Variants in COL21A1 observed in about 807,000 individuals in gnomAD.
COL21A1 encodes the protein collagen alpha-1(XXI) chain.
In COL21A1, 149 loss-of-function variants were observed where a neutral mutation model predicts 137.9. That is an observed-to-expected ratio of 1.08 (90% confidence interval 0.95 to 1.24). COL21A1 has a LOEUF of 1.24. Among genes scored for constraint, COL21A1 ranks in the 50% most tolerant of loss-of-function variants. The pLI is 0.00. For synonymous variants in COL21A1, 456 were observed against 391.5 expected (o/e 1.16, Z -1.95); for missense variants, 1,167 against 1,158.4 (o/e 1.01, Z -0.11).
At chr6:56,336,035 C>G (rs1277288823) in intron 1 of COL21A1, among the ~76,000 whole-genome samples, 1 of 152,186 alleles carries the variant, frequency 6.6e-6, no homozygotes, top group African/African-American at 2.4e-5. Context: ...CTAATAACAG[C>G]TAACATTTAC....
At chr6:56,326,256 A>G (rs567392308) in intron 1 of COL21A1, among the ~76,000 whole-genome samples, 6 of 151,184 alleles carry the variant, frequency 4.0e-5, no homozygotes, top group East Asian at 3.9e-4. Flanking sequence ...AACCTTTTGA[A>G]CATACTGAAA....
chr6:56,362,609 C>G (rs2017390), intron 1 of COL21A1, among the ~76,000 whole-genome samples: 104,956 of 151,918 alleles, frequency 0.69, 36,691 homozygotes, highest in East Asian at 0.93. Flanking sequence ...GCCTTTCCTT[C>G]AAAGATATGC....
intron 1 of COL21A1, among the ~76,000 whole-genome samples, chr6:56,245,696 T>C (rs913807293): frequency 6.6e-6 from 1 of 152,182 alleles, no homozygotes; most frequent in African/African-American, 2.4e-5. Flanking sequence ...GCTATGCAAC[T>C]ATCCAAGAGC....
chr6:56,086,212 T>A (rs2114177736), intron 17 of COL21A1, among the ~76,000 whole-genome samples: 1 of 152,176 alleles, frequency 6.6e-6, no homozygotes, highest in South Asian at 2.1e-4. Flanking sequence ...CCTGTCATGA[T>A]TAAATGTGCT....
chr6:56,294,006 G>A (rs1479882487), intron 1 of COL21A1, among the ~76,000 whole-genome samples: 1 of 152,110 alleles, frequency 6.6e-6, no homozygotes, highest in African/African-American at 2.4e-5. Flanking sequence ...ACTGCATGTG[G>A]TGAGTCAAAC....
chr6:56,090,352 T>C (rs1357274412), intron 17 of COL21A1, among the ~76,000 whole-genome samples: 1 of 152,194 alleles, frequency 6.6e-6, no homozygotes, highest in African/African-American at 2.4e-5. Flanking sequence ...GTAGTCCAGT[T>C]TTGCTATGTC....
At chr6:56,255,965 G>T (rs1022634068) in intron 1 of COL21A1, among the ~76,000 whole-genome samples, 10 of 152,150 alleles carry the variant, frequency 6.6e-5, no homozygotes, top group Non-Finnish European at 1.2e-4. Flanking sequence ...TGGAAGAAAG[G>T]CTCTCACCCA....
intron 1 of COL21A1, among the ~76,000 whole-genome samples, chr6:56,307,487 T>A (rs13208342): frequency 0.29 from 44,328 of 152,160 alleles, 7,314 homozygotes; most frequent in Non-Finnish European, 0.38. Flanking sequence ...GTGCTAGCAG[T>A]CAGCAAGGCT....
At chr6:56,112,498 A>G (rs1425947867) in intron 16 of COL21A1, among the ~76,000 whole-genome samples, 27 of 151,958 alleles carry the variant, frequency 1.8e-4, no homozygotes. Context: ...TGAATTACCG[A>G]TGCCACCCCT....
intron 1 of COL21A1, among the ~76,000 whole-genome samples, chr6:56,371,741 T>C (rs2093988976): frequency 6.6e-6 from 1 of 152,220 alleles, no homozygotes; most frequent in African/African-American, 2.4e-5. Flanking sequence ...GGGTACCATT[T>C]TGGGTGCCAA....
At chr6:56,272,643 C>T (rs1433277125) in intron 1 of COL21A1, among the ~76,000 whole-genome samples, 3 of 152,014 alleles carry the variant, frequency 2.0e-5, no homozygotes, top group Non-Finnish European at 4.4e-5. Flanking sequence ...ATTGTAATCC[C>T]CATGTGTTGA....
At chr6:56,300,694 T>C (rs1418698560) in intron 1 of COL21A1, among the ~76,000 whole-genome samples, 1 of 152,132 alleles carries the variant, frequency 6.6e-6, no homozygotes, top group African/African-American at 2.4e-5. Context: ...TCCATTGCTT[T>C]CATTAGCCCA....
At chr6:56,265,963 T>C (rs1420186677) in intron 1 of COL21A1, among the ~76,000 whole-genome samples, 1 of 152,204 alleles carries the variant, frequency 6.6e-6, no homozygotes, top group East Asian at 1.9e-4. Context: ...TTATTAAATA[T>C]TAAGTTTAAC....
At chr6:56,322,521 G>A (rs1764893222) in intron 1 of COL21A1, among the ~76,000 whole-genome samples, 2 of 151,964 alleles carry the variant, frequency 1.3e-5, no homozygotes, top group Admixed American at 1.3e-4. Context: ...ATTTCTCATT[G>A]GCAAAAATGT....
At chr6:56,065,388 G>A (rs1766153059) in intron 23 of COL21A1, among the ~76,000 whole-genome samples, 1 of 151,960 alleles carries the variant, frequency 6.6e-6, no homozygotes, top group Admixed American at 6.6e-5. Flanking sequence ...CTATTTGCTG[G>A]CACTTAGGGA....
chr6:56,195,707 C>T (rs1778975956), intron 1 of COL21A1, among the ~76,000 whole-genome samples: 1 of 151,876 alleles, frequency 6.6e-6, no homozygotes, highest in African/African-American at 2.4e-5. Flanking sequence ...CCTAACAGAC[C>T]TAGAACTAGT....
chr6:56,314,279 G>T (rs1258644028), intron 1 of COL21A1, among the ~76,000 whole-genome samples: 1 of 152,144 alleles, frequency 6.6e-6, no homozygotes, highest in Non-Finnish European at 1.5e-5. Flanking sequence ...CACCGCACCT[G>T]GCCAGAAGGT....
At chr6:56,281,401 A>T (rs1438881353) in intron 1 of COL21A1, among the ~76,000 whole-genome samples, 1 of 152,230 alleles carries the variant, frequency 6.6e-6, no homozygotes, top group Non-Finnish European at 1.5e-5. Flanking sequence ...ACATATAGTT[A>T]GCATGGCAAT....
intron 10 of COL21A1, among the ~76,000 whole-genome samples, chr6:56,155,746 C>T (rs1175911527): frequency 6.6e-6 from 1 of 152,134 alleles, no homozygotes; most frequent in Non-Finnish European, 1.5e-5. Flanking sequence ...TAGGTGTGTG[C>T]CACCACACCC....
Sources: allele counts gnomAD v4.1 joint callset (sites outside exome capture counted in the v4.1 genomes callset), GRCh38; gene constraint gnomAD v4.1.1; transcripts MANE v1.5; gene names NCBI Gene and HGNC (gene_info 2026-07-23, HGNC 2026-07-21).